CETN3: variants seen among roughly 807,000 people sequenced by gnomAD.
CETN3 encodes centrin-3.
CETN3 carries 17 observed loss-of-function variants against 20.1 expected under a neutral mutation model. The observed-to-expected ratio is 0.85, with a 90% CI of 0.58 to 1.27. CETN3 has a LOEUF of 1.27. Among genes scored for constraint, CETN3 ranks in the 50% most tolerant of loss-of-function variants. The pLI is 0.00. For synonymous variants in CETN3, 52 were observed against 59.7 expected (o/e 0.87, Z 0.59); for missense variants, 169 against 191.2 (o/e 0.88, Z 0.69).
At chr5:90,400,865 T>C (rs1212997838) in intron 3 of CETN3, among the ~76,000 whole-genome samples, 4 of 152,146 alleles carry the variant, frequency 2.6e-5, no homozygotes, top group Admixed American at 2.6e-4. Context: ...AGCTCATAAA[T>C]ATTCAGTCAA....
chr5:90,398,695 T>C (rs1262908641), intron 4 of CETN3, among the ~76,000 whole-genome samples: 1 of 152,240 alleles, frequency 6.6e-6, no homozygotes. Flanking sequence ...TAGAAGGCTT[T>C]GAACTTTACT....
intron 4 of CETN3, 142 bp from the exon 5 acceptor site, chr5:90,394,249 ACTT>A (rs756130847): frequency 1.9e-6 from 1 of 532,204 alleles, no homozygotes; most frequent in Non-Finnish European, 3.3e-6. Flanking sequence ...TTTTGCTTTT[ACTT>A]CTTTGTTAGG....
At chr5:90,400,728 C>T (rs1749267222) in intron 3 of CETN3, among the ~76,000 whole-genome samples, 1 of 151,732 alleles carries the variant, frequency 6.6e-6, no homozygotes, top group Non-Finnish European at 1.5e-5. Context: ...TCAATAATCA[C>T]CTATTCAAAT....
At chr5:90,403,382 A>G (rs1218307667) in intron 3 of CETN3, among the ~76,000 whole-genome samples, 1 of 152,246 alleles carries the variant, frequency 6.6e-6, no homozygotes, top group East Asian at 1.9e-4. Flanking sequence ...TACTCTCCAT[A>G]GGTAGCCTTA....
intron 3 of CETN3, chr5:90,405,277 CCAACAAAAATCA>C (rs1749405393): frequency 5.5e-6 from 1 of 181,626 alleles, no homozygotes; most frequent in African/African-American, 2.3e-5. Flanking sequence ...TCCCACTTAG[CCAACAAAAATCA>C]CATACCAGAA....
chr5:90,394,347 T>C (rs2151881339), intron 4 of CETN3, among the ~76,000 whole-genome samples: 1 of 152,150 alleles, frequency 6.6e-6, no homozygotes, highest in East Asian at 1.9e-4. Context: ...TATTCTATAA[T>C]ATTAACTGGG....
chr5:90,399,041 T>G, intron 4 of CETN3: 1 of 478,684 alleles, frequency 2.1e-6, no homozygotes, highest in Non-Finnish European at 3.7e-6. Context: ...TTCAAAACAT[T>G]TGAAGGGGAA....
chr5:90,405,509 A>C, intron 3 of CETN3, 176 bp downstream of exon 3: 1 of 563,004 alleles, frequency 1.8e-6, no homozygotes, highest in Non-Finnish European at 3.1e-6. Context: ...CTCAGAGCAA[A>C]GCCATATTTT....
rs1328760562 is a variant in CETN3 at position 90,399,400 on chromosome 5, G to A, written c.418C>T (p.Arg140Ter). ...TTGTCAAATTCTTCTATCATAGCTC[G>A]AAGTTCTTCATCACTCATGTTTTCA... ...LGENMSDEEL[R>*]AMIEEFDKDG... The change falls in exon 4 of 5, where the codon CGA becomes TGA. Residue 140 changes from arginine (R) to a stop codon, truncating the protein, a stop_gained. Coordinates refer to ENST00000283122, the MANE Select transcript of CETN3 (RefSeq NM_004365.4). LOFTEE classifies it high-confidence loss of function. The A allele has an allele frequency of 9.9e-6, 16 of 1,613,828 alleles. No homozygotes were observed. Among genetic ancestry groups the A allele is most frequent in the South Asian group, 2.2e-5 (2 of 91,052 alleles).
At chr5:90,402,808 T>C (rs142671245) in intron 3 of CETN3, among the ~76,000 whole-genome samples, 4 of 152,360 alleles carry the variant, frequency 2.6e-5, no homozygotes, top group Admixed American at 2.6e-4. Context: ...TACCACATAG[T>C]ACTATAGCCT....
At chr5:90,404,126 T>C (rs534497327) in intron 3 of CETN3, among the ~76,000 whole-genome samples, 1 of 152,288 alleles carries the variant, frequency 6.6e-6, no homozygotes, top group Non-Finnish European at 1.5e-5. Flanking sequence ...ACTTACAACA[T>C]GCTAGGCCCT....
chr5:90,405,324 C>G (rs994737549), intron 3 of CETN3: 1 of 239,564 alleles, frequency 4.2e-6, no homozygotes, highest in Non-Finnish European at 7.9e-6. Flanking sequence ...ATTTTCCAAA[C>G]AGCAGGATAT....
rs1213557314 is a variant in CETN3, at chr5:90,393,720, C to A, written c.*344G>T. 10 of 158,368 alleles carry A rather than the reference C, an allele frequency of 6.3e-5. No homozygotes were observed. In the East Asian group the frequency reaches 1.2e-3, roughly 20 times the overall value. 9.8% of individuals were successfully genotyped at this position (158,368 alleles called of 1,614,324 possible). The stretch of plus-strand genomic sequence containing the variant: ...AACAAATTTACCAAACTTTAAAATT[C>A]TAATAAAATAAATATTTTATTAACG... On this transcript the variant is annotated 3_prime_UTR_variant, in exon 5 of 5. Coordinates refer to ENST00000283122, the MANE Select transcript of CETN3 (RefSeq NM_004365.4).
In CETN3 at chr5:90,409,735, C is replaced by T. The variant is rs1749580260; in HGVS notation, c.-74G>A. On this transcript the variant is annotated 5_prime_UTR_variant, in exon 1 of 5. Transcript: ENST00000283122. Reference sequence around the variant, plus strand: ...ACCCAAGGCAGCAAGACGCCCACAGCCGTTCAACAGACACGAACGACCTCA... The same window carrying T: ...ACCCAAGGCAGCAAGACGCCCACAGTCGTTCAACAGACACGAACGACCTCA... The T allele has an allele frequency of 6.3e-7, 1 of 1,576,816 alleles. No homozygotes were observed. The highest frequency in any genetic ancestry group is 8.7e-7 in the Non-Finnish European group (1 of 1,146,566).
Position 90,393,875 on chromosome 5 carries a change from C to T in CETN3, c.*189G>A. ...GCTCTATTATAAATACAAAGCTAAA[C>T]TATCTGAGTACTAACAACACAGTTC... On this transcript the variant is annotated 3_prime_UTR_variant, in exon 5 of 5. Transcript: ENST00000283122. The T allele has an allele frequency of 2.3e-6, 1 of 440,610 alleles. No homozygotes were observed. The highest frequency in any genetic ancestry group is 4.3e-5 in the Admixed American group (1 of 23,454). The allele number at this position is 440,610 out of a possible 1,614,324, so 27.3% of individuals were successfully genotyped here. A position where few individuals can be genotyped will look rare whatever the true frequency, so the allele number is the denominator to read the frequency against.
rs1193683867 is a variant in CETN3, at chr5:90,393,262, C to T, written c.*802G>A. 6.6e-6 allele frequency: 1 copy of T among 152,168 alleles called. No homozygotes were observed. Among genetic ancestry groups the T allele is most frequent in the East Asian group, 1.9e-4 (1 of 5,198 alleles). 9.4% of individuals were successfully genotyped at this position (152,168 alleles called of 1,614,324 possible). A position where few individuals can be genotyped will look rare whatever the true frequency, so the allele number is the denominator to read the frequency against. On this transcript the variant is annotated 3_prime_UTR_variant, in exon 5 of 5. Coordinates refer to ENST00000283122, the MANE Select transcript of CETN3 (RefSeq NM_004365.4). ...GGCTTACAGTTTTCTATTTTCATCACTGTGACATGTAATTGAGTGATAATT... is the reference window on the plus strand; with the variant it reads ...GGCTTACAGTTTTCTATTTTCATCATTGTGACATGTAATTGAGTGATAATT...
chr5:90,408,174 C>T (rs1749512471), intron 1 of CETN3, among the ~76,000 whole-genome samples: 1 of 151,706 alleles, frequency 6.6e-6, no homozygotes, highest in Non-Finnish European at 1.5e-5. Context: ...CCAACTCCAA[C>T]CAAAAAAACA....
rs376256891 is a variant in CETN3, at chr5:90,405,526, G to GA, written c.268+158dup. On this transcript the variant is annotated intron_variant, in intron 3 of 4. Coordinates refer to ENST00000283122, the MANE Select transcript of CETN3 (RefSeq NM_004365.4). ...CAGAGCAAAGCCATATTTTTTCTTTGAAAAAAAAACCAACAAAACAAAACT... is the reference window on the plus strand; with the variant it reads ...CAGAGCAAAGCCATATTTTTTCTTTGAAAAAAAAAACCAACAAAACAAAACT... The GA allele has an allele frequency of 2.5e-3, 1,364 of 546,836 alleles. 4 individuals are homozygous for GA. The highest frequency in any genetic ancestry group is 0.013 in the African/African-American group (634 of 49,582). The allele number at this position is 546,836 out of a possible 1,614,324, so 33.9% of individuals were successfully genotyped here. A position where few individuals can be genotyped will look rare whatever the true frequency, so the allele number is the denominator to read the frequency against.
chr5:90,408,074 T>C (rs1374495753), intron 1 of CETN3, among the ~76,000 whole-genome samples: 1 of 152,144 alleles, frequency 6.6e-6, no homozygotes, highest in Non-Finnish European at 1.5e-5. Flanking sequence ...CTTTTCTTTT[T>C]CCCAGCTTTT....
Sources: gnomAD v4.1 joint callset for allele counts (sites outside exome capture counted in the v4.1 genomes callset) on GRCh38, gnomAD v4.1.1 for gene constraint, MANE v1.5 for transcripts, NCBI Gene and HGNC (gene_info 2026-07-23, HGNC 2026-07-21) for gene names.